Variants in CDH13 observed in about 807,000 individuals in gnomAD.
The protein encoded by CDH13 is cadherin 13.
CDH13 carries 24 observed loss-of-function variants against 63.8 expected under a neutral mutation model. The ratio of observed to expected loss-of-function variants is 0.38; its 90% CI spans 0.27 to 0.53. The LOEUF (loss-of-function observed/expected upper bound fraction) is 0.53, where lower values mean the gene tolerates loss of function less well. CDH13 is among the 20% of genes least tolerant of loss of function. The pLI is 0.85. For synonymous variants in CDH13, 503 were observed against 355.3 expected, an observed-to-expected ratio of 1.42 and a Z score of -4.67; for missense variants, 1,049 against 903.1, an observed-to-expected ratio of 1.16 and a Z score of -2.07.
intron 6 of CDH13, among the ~76,000 whole-genome samples, chr16:83,357,482 C>A (rs1007819804): frequency 1.3e-5 from 2 of 152,142 alleles, no homozygotes; most frequent in African/African-American, 4.8e-5. Context: ...ACCCACGCAA[C>A]TAAAACTCAG....
chr16:83,223,543 G>C (rs559041376), intron 5 of CDH13, among the ~76,000 whole-genome samples: 2 of 152,318 alleles, frequency 1.3e-5, no homozygotes, highest in East Asian at 3.9e-4. Flanking sequence ...TTGCTCTGAT[G>C]CTCACAACTG....
intron 6 of CDH13, among the ~76,000 whole-genome samples, chr16:83,428,189 G>A (rs2071973149): frequency 6.6e-6 from 1 of 152,168 alleles, no homozygotes; most frequent in Admixed American, 6.5e-5. Context: ...GGAAAAATGA[G>A]TTTTATTATT....
chr16:82,725,785 A>C (rs891634574), intron 1 of CDH13, among the ~76,000 whole-genome samples: 5 of 152,176 alleles, frequency 3.3e-5, no homozygotes, highest in African/African-American at 1.2e-4. Context: ...TTTTTAATGA[A>C]TATGATAGCA....
At chr16:82,782,849 C>T (rs1010685979) in intron 1 of CDH13, among the ~76,000 whole-genome samples, 39 of 152,162 alleles carry the variant, frequency 2.6e-4, no homozygotes, top group Non-Finnish European at 4.9e-4. Flanking sequence ...GCACTAAGTT[C>T]TGCGCAGGGG....
At chr16:83,201,624 A>G (rs182450955) in intron 4 of CDH13, among the ~76,000 whole-genome samples, 82 of 152,172 alleles carry the variant, frequency 5.4e-4, no homozygotes, top group South Asian at 1.0e-3. Flanking sequence ...TTGGCTGGGC[A>G]CGGTGGCTCA....
At chr16:82,654,761 G>A (rs1253432671) in intron 1 of CDH13, among the ~76,000 whole-genome samples, 1 of 151,920 alleles carries the variant, frequency 6.6e-6, no homozygotes, top group East Asian at 1.9e-4. Context: ...ATTCAGAAGA[G>A]GTGGGTACAG....
intron 8 of CDH13, among the ~76,000 whole-genome samples, chr16:83,652,301 CAGA>C (rs1332956185): frequency 1.3e-5 from 2 of 152,172 alleles, no homozygotes; most frequent in African/African-American, 4.8e-5. Flanking sequence ...GTAATGAAAG[CAGA>C]AGGTTTCTCT....
At chr16:82,904,945 A>C (rs755003359) in intron 2 of CDH13, among the ~76,000 whole-genome samples, 2 of 152,040 alleles carry the variant, frequency 1.3e-5, no homozygotes, top group African/African-American at 4.8e-5. Context: ...CCCTAAATGA[A>C]CCCAGGTTTC....
chr16:83,096,512 G>C (rs138884682), intron 3 of CDH13, among the ~76,000 whole-genome samples: 1 of 152,176 alleles, frequency 6.6e-6, no homozygotes, highest in Admixed American at 6.5e-5. Context: ...TTATCCTTGG[G>C]CTATGACCAC....
At chr16:82,966,498 A>G (rs147018594) in intron 2 of CDH13, among the ~76,000 whole-genome samples, 10 of 152,290 alleles carry the variant, frequency 6.6e-5, no homozygotes, top group African/African-American at 2.4e-4. Flanking sequence ...ATGCTAAATA[A>G]CATATCTGAG....
At chr16:83,052,500 G>T (rs891440066) in intron 3 of CDH13, among the ~76,000 whole-genome samples, 3 of 152,096 alleles carry the variant, frequency 2.0e-5, no homozygotes, top group African/African-American at 7.2e-5. Flanking sequence ...TAAAACCTTG[G>T]CTGTTGTGGT....
At chr16:83,421,504 A>C (rs1047641983) in intron 6 of CDH13, among the ~76,000 whole-genome samples, 1 of 152,228 alleles carries the variant, frequency 6.6e-6, no homozygotes, top group Admixed American at 6.5e-5. Flanking sequence ...AAGACGGCTG[A>C]TGCAACTCTA....
chr16:83,191,969 A>G (rs557471412), intron 4 of CDH13, among the ~76,000 whole-genome samples: 5 of 152,210 alleles, frequency 3.3e-5, no homozygotes, highest in African/African-American at 4.8e-5. Flanking sequence ...AACCAACTCA[A>G]TGATAAAAAG....
intron 4 of CDH13, among the ~76,000 whole-genome samples, chr16:83,184,087 T>C (rs1416452518): frequency 4.2e-5 from 3 of 71,928 alleles, no homozygotes; most frequent in Non-Finnish European, 7.9e-5. Context: ...CTCTAGAGGT[T>C]AAACACACAC....
chr16:82,627,203 G>C lies in CDH13; in HGVS notation c.45+66G>C. On this transcript the variant is annotated intron_variant, in intron 1 of 13. Transcript: ENST00000567109. ...TCTGCATTCGGATCGCCCGGCACGG[G>C]CAGGGTGAGGGGGCTTTCGGGGGGT... 2.1e-6 allele frequency: 3 copies of C among 1,439,452 alleles called. No homozygotes were observed. The South Asian group carries it at 3.6e-5, about 17-fold the overall frequency. The allele number at this position is 1,439,452 out of a possible 1,614,324, so 89.2% of individuals were successfully genotyped here.
At chr16:82,713,569 G>A (rs28469730) in intron 1 of CDH13, among the ~76,000 whole-genome samples, 8,931 of 152,076 alleles carry the variant, frequency 0.059, 605 homozygotes, top group African/African-American at 0.16. Flanking sequence ...GGACTCAGAG[G>A]TTGCAGAAAG....
intron 5 of CDH13, among the ~76,000 whole-genome samples, chr16:83,319,697 CAG>C (rs778127471): frequency 2.6e-5 from 4 of 152,002 alleles, no homozygotes; most frequent in Non-Finnish European, 5.9e-5. Flanking sequence ...AAAGTTGTGA[CAG>C]GAACGGAGAA....
chr16:83,175,549 T>G (rs4417537), intron 4 of CDH13, among the ~76,000 whole-genome samples: 34,687 of 151,904 alleles, frequency 0.23, 4,291 homozygotes, highest in Non-Finnish European at 0.26. Context: ...CCAGTTTGCT[T>G]TGGGTGACCA....
At chr16:83,714,001 A>G (rs967685689) in intron 10 of CDH13, among the ~76,000 whole-genome samples, 1 of 152,178 alleles carries the variant, frequency 6.6e-6, no homozygotes, top group Non-Finnish European at 1.5e-5. Flanking sequence ...TCCTGGGCTC[A>G]TGCTCACTTG....
Sources: allele counts gnomAD v4.1 joint callset (sites outside exome capture counted in the v4.1 genomes callset), GRCh38; gene constraint gnomAD v4.1.1; transcripts MANE v1.5; gene names NCBI Gene and HGNC (gene_info 2026-07-23, HGNC 2026-07-21).